IQCM: variants seen among roughly 807,000 people sequenced by gnomAD.
The protein encoded by IQCM is IQ motif containing M.
In IQCM, 45 loss-of-function variants were observed where a neutral mutation model predicts 57.6. The observed-to-expected ratio is 0.78, with a 90% CI of 0.62 to 1.00. The LOEUF (loss-of-function observed/expected upper bound fraction) is 1.00. IQCM is among the 50% of genes least tolerant of loss of function. The pLI is 0.00. For synonymous variants in IQCM, 148 were observed against 158.9 expected (o/e 0.93, Z 0.51); for missense variants, 468 against 511.6 (o/e 0.91, Z 0.82).
intron 8 of IQCM, among the ~76,000 whole-genome samples, chr4:149,605,930 T>A (rs1754737634): frequency 6.6e-6 from 1 of 152,066 alleles, no homozygotes; most frequent in Non-Finnish European, 1.5e-5. Context: ...ACCAGAAAAA[T>A]TCCTTGAAAC....
At chr4:149,422,395 A>G (rs1373747224) in intron 13 of IQCM, among the ~76,000 whole-genome samples, 2 of 151,618 alleles carry the variant, frequency 1.3e-5, no homozygotes, top group East Asian at 1.9e-4. Context: ...ACTCACCTCT[A>G]CTCCCAAGAA....
At chr4:149,564,556 G>A (rs1560997207) in intron 9 of IQCM, among the ~76,000 whole-genome samples, 1 of 152,164 alleles carries the variant, frequency 6.6e-6, no homozygotes, top group East Asian at 1.9e-4. Context: ...GGGAAAGACA[G>A]ACCCATCCTT....
intron 13 of IQCM, among the ~76,000 whole-genome samples, chr4:149,354,941 C>A (rs1238624007): frequency 1.3e-5 from 2 of 152,072 alleles, no homozygotes; most frequent in Admixed American, 6.6e-5. Flanking sequence ...TACATGGGAA[C>A]ACTCTACTTT....
At chr4:149,602,594 C>A (rs894394475) in intron 8 of IQCM, among the ~76,000 whole-genome samples, 2 of 151,862 alleles carry the variant, frequency 1.3e-5, no homozygotes, top group African/African-American at 4.8e-5. Context: ...TTCTTATTTT[C>A]TATTTTCTTT....
intron 7 of IQCM, among the ~76,000 whole-genome samples, chr4:149,621,975 T>C (rs1756378682): frequency 6.6e-6 from 1 of 152,142 alleles, no homozygotes; most frequent in Non-Finnish European, 1.5e-5. Context: ...TGTATATATG[T>C]GTATCTATGT....
chr4:149,672,575 G>GA (rs1056931223), intron 7 of IQCM, among the ~76,000 whole-genome samples: 63 of 152,074 alleles, frequency 4.1e-4, no homozygotes, highest in African/African-American at 1.4e-3. Flanking sequence ...GAAGTTTAGA[G>GA]AAAAAAGAGT....
At chr4:149,686,604 C>T in intron 5 of IQCM, 136 bp from the exon 6 acceptor site, 1 of 392,990 alleles carries the variant, frequency 2.5e-6, no homozygotes, top group East Asian at 3.7e-5. Context: ...CACAGAGATA[C>T]TAAAAATCAC....
chr4:149,617,885 G>T (rs1401135314), intron 8 of IQCM, among the ~76,000 whole-genome samples: 2 of 152,120 alleles, frequency 1.3e-5, no homozygotes, highest in Non-Finnish European at 2.9e-5. Flanking sequence ...AAGCATCCCA[G>T]TCTCATGAAT....
chr4:149,405,290 C>T (rs994205442), intron 13 of IQCM, among the ~76,000 whole-genome samples: 5 of 151,880 alleles, frequency 3.3e-5, no homozygotes, highest in Non-Finnish European at 5.9e-5. Flanking sequence ...ATTCTACAGC[C>T]GCTTAGCCTT....
At chr4:149,518,140 A>T (rs1193131471) in intron 12 of IQCM, among the ~76,000 whole-genome samples, 1 of 152,166 alleles carries the variant, frequency 6.6e-6, no homozygotes, top group Non-Finnish European at 1.5e-5. Flanking sequence ...CCAAAGGATG[A>T]AAAAAGTACA....
chr4:149,414,233 A>G lies in IQCM; in HGVS notation c.1390+19163T>C, dbSNP rs545967396. 2.6e-5 allele frequency among the ~76,000 whole-genome samples: 4 copies of G among 152,278 alleles called. No individual in the cohort carries two copies. In the South Asian group the frequency reaches 8.3e-4, roughly 32 times the overall value. ...TCAGAGAATTCTCCTCTCTTCATCC[A>G]ATTGCTTAAGGACATAGAGCTCCAA... On this transcript the variant is annotated intron_variant, in intron 13 of 13. Transcript: ENST00000636793.
intron 2 of IQCM, among the ~76,000 whole-genome samples, chr4:149,769,735 A>G (rs1472206677): frequency 6.6e-6 from 1 of 152,074 alleles, no homozygotes; most frequent in African/African-American, 2.4e-5. Context: ...GGACATAACA[A>G]TCCTATTGTG....
chr4:149,595,702 TTC>T (rs1468508035), intron 8 of IQCM, among the ~76,000 whole-genome samples: 1 of 152,132 alleles, frequency 6.6e-6, no homozygotes, highest in African/African-American at 2.4e-5. Flanking sequence ...AAACACATCT[TTC>T]TGAGATTTTT....
intron 5 of IQCM, among the ~76,000 whole-genome samples, chr4:149,686,759 C>T (rs148650938): frequency 1.5e-4 from 23 of 151,512 alleles, no homozygotes; most frequent in African/African-American, 5.1e-4. Context: ...TAGCATATAC[C>T]GATGAATACA....
chr4:149,703,702 G>C (rs1261793120), intron 5 of IQCM, among the ~76,000 whole-genome samples: 1 of 151,918 alleles, frequency 6.6e-6, no homozygotes, highest in African/African-American at 2.4e-5. Context: ...ATCTTATACA[G>C]AATAAGAATT....
chr4:149,382,200 C>T (rs775067921), intron 13 of IQCM, among the ~76,000 whole-genome samples: 8 of 151,956 alleles, frequency 5.3e-5, no homozygotes, highest in Non-Finnish European at 1.2e-4. Context: ...TAGAATGGTG[C>T]CTGGCATACA....
At chr4:149,475,738 T>TA (rs1182625149) in intron 12 of IQCM, among the ~76,000 whole-genome samples, 3 of 151,850 alleles carry the variant, frequency 2.0e-5, no homozygotes, top group South Asian at 2.1e-4. Flanking sequence ...ACAACAAAAT[T>TA]AAAAAAATAT....
At chr4:149,795,377 C>G (rs1486347319) in intron 2 of IQCM, among the ~76,000 whole-genome samples, 1 of 152,060 alleles carries the variant, frequency 6.6e-6, no homozygotes, top group Non-Finnish European at 1.5e-5. Flanking sequence ...TAACAGCCGC[C>G]GAAAGAGGGA....
chr4:149,726,119 G>GAAAGAAAGAAAT, intron 5 of IQCM, among the ~76,000 whole-genome samples: 1 of 147,534 alleles, frequency 6.8e-6, no homozygotes, highest in East Asian at 2.0e-4. Flanking sequence ...AAGAAAGAAA[G>GAAAGAAAGAAAT]AAAGAAAGAA....
Sources: gnomAD v4.1 joint callset for allele counts (sites outside exome capture counted in the v4.1 genomes callset) on GRCh38, gnomAD v4.1.1 for gene constraint, MANE v1.5 for transcripts, NCBI Gene and HGNC (gene_info 2026-07-23, HGNC 2026-07-21) for gene names.